RABGAP1: variants seen among roughly 807,000 people sequenced by gnomAD.
RABGAP1 encodes rab GTPase-activating protein 1.
RABGAP1 carries 23 observed loss-of-function variants against 137.6 expected under a neutral mutation model. The observed-to-expected ratio is 0.17, with a 90% confidence interval of 0.12 to 0.24. The LOEUF (loss-of-function observed/expected upper bound fraction) is 0.24. RABGAP1 is among the 10% of genes least tolerant of loss of function. RABGAP1 has a pLI of 1.00. For missense variants in RABGAP1, 906 were observed against 1,275.8 expected, an observed-to-expected ratio of 0.71 and a Z score of 4.42; for synonymous variants, 451 against 450.7, an observed-to-expected ratio of 1.00 and a Z score of -0.01.
At chr9:123,016,239 GT>G (rs1174012932) in intron 12 of RABGAP1, among the ~76,000 whole-genome samples, 1 of 152,132 alleles carries the variant, frequency 6.6e-6, no homozygotes, top group Admixed American at 6.5e-5. Context: ...GGGTGTAGTG[GT>G]TCATGCCTGT....
intron 25 of RABGAP1, 60 bp from the exon 26 acceptor site, chr9:123,103,031 G>A: frequency 1.3e-6 from 2 of 1,581,550 alleles, no homozygotes; most frequent in Non-Finnish European, 1.7e-6. Flanking sequence ...GTTCTCCTCT[G>A]GGGAGCCAGT....
chr9:122,945,532 C>T (rs1221883325), intron 1 of RABGAP1: 2 of 152,158 alleles, frequency 1.3e-5, no homozygotes, highest in African/African-American at 2.4e-5. Flanking sequence ...CCTAAACCTA[C>T]TTTTAAGCTC....
chr9:123,068,433 C>T (rs1180290751), intron 14 of RABGAP1, among the ~76,000 whole-genome samples: 3 of 151,918 alleles, frequency 2.0e-5, no homozygotes, highest in African/African-American at 7.3e-5. Context: ...ACTCTAAAGC[C>T]TCTGTTCTTT....
At chr9:123,099,359 G>A in intron 23 of RABGAP1, 119 bp from the exon 24 acceptor site, 3 of 897,966 alleles carry the variant, frequency 3.3e-6, no homozygotes, top group Non-Finnish European at 5.3e-6. Flanking sequence ...CCTCCTGAGC[G>A]GTAGCAGGCT....
intron 13 of RABGAP1, 106 bp from the exon 14 acceptor site, chr9:123,065,242 T>C: frequency 1.3e-6 from 1 of 776,912 alleles, no homozygotes; most frequent in Non-Finnish European, 2.2e-6. Context: ...TGTATGTATG[T>C]CCCTGCAACA....
intron 19 of RABGAP1, among the ~76,000 whole-genome samples, chr9:123,079,209 GTTTGTTTT>G (rs569207915): frequency 9.0e-4 from 128 of 142,010 alleles, no homozygotes; most frequent in African/African-American, 3.0e-3. Context: ...TGTTGTTGTT[GTTTGTTTT>G]TTTGTTTTTT....
rs184492587 is a variant in RABGAP1, at chr9:122,975,382, C to G, written c.151-9103C>G. On this transcript the variant is annotated intron_variant, in intron 2 of 25. Coordinates refer to ENST00000373647, the MANE Select transcript of RABGAP1 (RefSeq NM_012197.4). ...GTAGAAAATTGAGACCAGGAAATGA[C>G]TCTGGATTTTGCCTTTGGAACATTT... is the stretch of plus-strand genomic sequence containing the variant. 3.4e-3 allele frequency among the ~76,000 whole-genome samples: 524 copies of G among 152,320 alleles called. 8 individuals carry two copies. The highest frequency in any genetic ancestry group is 3.1e-3 in the Non-Finnish European group (212 of 68,028).
Position 123,099,608 on chromosome 9 carries a change from A to G in RABGAP1, c.2889+59A>G, listed in dbSNP as rs1397475463. On this transcript the variant is annotated intron_variant, in intron 24 of 25. Transcript: ENST00000373647. ...CACCTACTTCATTTTATGGCTGTATAAACAGGTTTTGGGAGGAGGCAGTTG... is the reference window on the plus strand; with the variant it reads ...CACCTACTTCATTTTATGGCTGTATGAACAGGTTTTGGGAGGAGGCAGTTG... 2.0e-6 allele frequency: 3 copies of G among 1,482,660 alleles called. No homozygotes were observed. In the African/African-American group the frequency reaches 4.2e-5, roughly 21 times the overall value. 91.8% of individuals were successfully genotyped at this position (1,482,660 alleles called of 1,614,324 possible).
At chr9:123,040,642 T>C (rs2032907987) in intron 13 of RABGAP1, among the ~76,000 whole-genome samples, 1 of 152,190 alleles carries the variant, frequency 6.6e-6, no homozygotes, top group South Asian at 2.1e-4. Context: ...CTATCTTTTA[T>C]CATAAAACAT....
At chr9:123,077,202 T>C (rs1250997357) in intron 19 of RABGAP1, among the ~76,000 whole-genome samples, 3 of 149,394 alleles carry the variant, frequency 2.0e-5, no homozygotes, top group Non-Finnish European at 4.4e-5. Flanking sequence ...AAGGCTAGAG[T>C]GCAGTGGCAC....
chr9:123,089,693 T>C (rs1281309444), intron 19 of RABGAP1, 65 bp from the exon 20 acceptor site: 1 of 1,309,872 alleles, frequency 7.6e-7, no homozygotes, highest in Non-Finnish European at 1.1e-6. Context: ...TGGTCTTCAG[T>C]GCAGGCACTG....
At chr9:123,028,449 C>T (rs2032107879) in intron 13 of RABGAP1, among the ~76,000 whole-genome samples, 1 of 152,174 alleles carries the variant, frequency 6.6e-6, no homozygotes, top group Non-Finnish European at 1.5e-5. Flanking sequence ...CTGCATATGA[C>T]ATGAAGGATT....
rs573438466 is a variant in RABGAP1, at chr9:122,946,262, T to C, written c.-50+5169T>C. Among the ~76,000 whole-genome samples, 29 of 152,322 alleles carry C rather than the reference T, an allele frequency of 1.9e-4. No individual in the cohort carries two copies. The East Asian group carries it at 5.4e-3, about 28-fold the overall frequency. On this transcript the variant is annotated intron_variant, in intron 1 of 25. Transcript: ENST00000373647. ...TTATATTTCTGCATTTATCTTAGACTTTGATCATCTGTTGAATGATTTGCC... is the reference window on the plus strand; with the variant it reads ...TTATATTTCTGCATTTATCTTAGACCTTGATCATCTGTTGAATGATTTGCC...
intron 2 of RABGAP1, among the ~76,000 whole-genome samples, chr9:122,966,905 T>C (rs1027412401): frequency 1.3e-5 from 2 of 152,126 alleles, no homozygotes; most frequent in Non-Finnish European, 2.9e-5. Flanking sequence ...AACTCTGTTT[T>C]AAAAACCATC....
At chr9:123,051,108 ATT>A (rs756923997) in intron 13 of RABGAP1, among the ~76,000 whole-genome samples, 5 of 130,730 alleles carry the variant, frequency 3.8e-5, no homozygotes, top group Non-Finnish European at 3.3e-5. Flanking sequence ...AGAATACTCA[ATT>A]TTTTTTTTTT....
chr9:123,080,843 G>A (rs1289017845), intron 19 of RABGAP1, among the ~76,000 whole-genome samples: 2 of 152,134 alleles, frequency 1.3e-5, no homozygotes, highest in Admixed American at 1.3e-4. Flanking sequence ...GTAAATTGTG[G>A]CTTGGTTTAC....
intron 9 of RABGAP1, among the ~76,000 whole-genome samples, chr9:122,998,173 C>T (rs1295401927): frequency 6.6e-6 from 1 of 152,024 alleles, no homozygotes; most frequent in African/African-American, 2.4e-5. Context: ...AATCTTGGCT[C>T]ACTGCGGCCT....
intron 1 of RABGAP1, among the ~76,000 whole-genome samples, chr9:122,951,621 A>T (rs564562419): frequency 2.0e-5 from 3 of 150,834 alleles, no homozygotes; most frequent in African/African-American, 7.3e-5. Context: ...CTTAGGCTGG[A>T]GCGCAGTGTC....
intron 13 of RABGAP1, among the ~76,000 whole-genome samples, chr9:123,056,480 TC>T (rs1416473174): frequency 2.0e-5 from 3 of 150,672 alleles, no homozygotes; most frequent in Non-Finnish European, 4.4e-5. Context: ...GTTTCTTTTT[TC>T]TTTTTTTTTT....
Sources: allele counts gnomAD v4.1 joint callset (sites outside exome capture counted in the v4.1 genomes callset), GRCh38; gene constraint gnomAD v4.1.1; transcripts MANE v1.5; gene names NCBI Gene and HGNC (gene_info 2026-07-23, HGNC 2026-07-21).